The following ATP4A variants were observed in gnomAD, a reference collection of about 807,000 sequenced individuals.
The protein encoded by ATP4A is potassium-transporting ATPase alpha chain 1.
A neutral mutation model predicts 112.1 loss-of-function variants in ATP4A; 73 were observed. The ratio of observed to expected loss-of-function variants is 0.65; its 90% CI spans 0.54 to 0.79. The LOEUF is 0.79. Among genes scored for constraint, ATP4A ranks in the 30% least tolerant of loss-of-function variants. The pLI is 0.00. For synonymous variants in ATP4A, 588 were observed against 588.9 expected, an observed-to-expected ratio of 1.00 and a Z score of 0.02; for missense variants, 1,081 against 1,425.9, an observed-to-expected ratio of 0.76 and a Z score of 3.90.
Position 35,555,036 on chromosome 19 carries a change from G to T in ATP4A, c.2367C>A (p.Tyr789Ter). Residue 789 changes from tyrosine (Y) to a stop codon, truncating the protein, a stop_gained, in exon 16 of 22, where the codon TAC (tyrosine) becomes TAA (stop). Coordinates refer to ENST00000262623, the MANE Select transcript of ATP4A (RefSeq NM_000704.3). LOFTEE classifies it high-confidence loss of function. The surrounding 1 kb of genome is among the most constrained non-coding windows in gnomAD (Gnocchi z 6.6). ...GCTCTGGGATGTTCTTGGTCAATGT[G>T]TAGGCAATAGACTTCTTCAGGTTGT... ...IFDNLKKSIA[Y>*]TLTKNIPELT... 1 of 1,614,100 alleles carries T rather than the reference G, an allele frequency of 6.2e-7. No individual in the cohort carries two copies. Among genetic ancestry groups the T allele is most frequent in the South Asian group, 1.1e-5 (1 of 91,066 alleles).
At chr19:35,553,218 TGGACACAGAGACAG>T (rs1421817837) in intron 17 of ATP4A, 36 bp from the exon 18 acceptor site, 1 of 1,567,344 alleles carries the variant, frequency 6.4e-7, no homozygotes, top group Non-Finnish European at 8.7e-7. Flanking sequence ...GAGACAGAGA[TGGACACAGAGACAG>T]GGACACAGGA....
At position 35,559,015 on chromosome 19, in the gene ATP4A, A is replaced by G. The variant is rs201370478; in HGVS notation, c.1233T>C (p.Ala411=). The G allele has an allele frequency of 6.2e-7, 1 of 1,614,162 alleles. No individual in the cohort carries two copies. Among genetic ancestry groups the G allele is most frequent in the African/African-American group, 1.3e-5 (1 of 75,040 alleles). The change falls in exon 8 of 22, where the codon GCT becomes GCC. Residue 411 remains alanine (A), a synonymous_variant. Coordinates refer to ENST00000262623, the MANE Select transcript of ATP4A (RefSeq NM_000704.3). This position sits in a 1 kb window ranked among gnomAD's most constrained non-coding sequence, Gnocchi z 4.1. ...HLWFDNHIHT[A]DTTEDQSGQT... ...CACCTGACTGGTCTTCCGTGGTGTC[A>G]GCTGTGTGGATGTGGTTGTCAAACC...
rs71167554 is a variant in ATP4A at position 35,561,847 on chromosome 19, C to CT, written c.420+587dup. Among the ~76,000 whole-genome samples, 877 of 103,804 alleles carry CT rather than the reference C, an allele frequency of 8.4e-3. 28 individuals carry two copies. Among genetic ancestry groups the CT allele is most frequent in the Middle Eastern group, 0.011 (2 of 184 alleles). The allele number at this position is 103,804 out of a possible 152,430, so 68.1% of individuals were successfully genotyped here. ...TGTCCTCTGCTTCCAAGTCCCATCTCTTTTTTTTTTTTTTTTTTTTTTTTT... is the reference window on the plus strand; with the variant it reads ...TGTCCTCTGCTTCCAAGTCCCATCTCTTTTTTTTTTTTTTTTTTTTTTTTTT... On this transcript the variant is annotated intron_variant, in intron 4 of 21. Coordinates refer to ENST00000262623, the MANE Select transcript of ATP4A (RefSeq NM_000704.3).
Position 35,558,226 on chromosome 19 carries a change from C to CG in ATP4A, c.1500+135dup. The CG allele has an allele frequency of 8.5e-7, 1 of 1,181,578 alleles. No homozygotes were observed. Among genetic ancestry groups the CG allele is most frequent in the Non-Finnish European group, 1.2e-6 (1 of 865,676 alleles). 73.2% of individuals were successfully genotyped at this position (1,181,578 alleles called of 1,614,324 possible). On this transcript the variant is annotated intron_variant, in intron 10 of 21. Transcript: ENST00000262623. The surrounding 1 kb of genome is among the most constrained non-coding windows in gnomAD (Gnocchi z 5.1). ...CTGGTGGACGGGGCCATAGGCGGAG[C>CG]GGGAGATGGGGTGGGGTTTGGCTGC...
rs1341925502 is a variant in ATP4A, at chr19:35,558,959, CTGCCCTGGCGCCTG to C, written c.1255+20_1255+33del. The C allele has an allele frequency of 1.2e-6, 2 of 1,611,752 alleles. No individual in the cohort carries two copies. Among genetic ancestry groups the C allele is most frequent in the Admixed American group, 3.3e-5 (2 of 59,986 alleles). On this transcript the variant is annotated intron_variant, in intron 8 of 21. Transcript: ENST00000262623. The surrounding 1 kb of genome is among the most constrained non-coding windows in gnomAD (Gnocchi z 5.1). ...TCAGGTCTCCACCATCCACCAGATC[CTGCCCTGGCGCCTG>C]TGCCCTCCCTCCCCCACACCTGACT...
At position 35,558,048 on chromosome 19, in the gene ATP4A, A is replaced by G; in HGVS notation, c.1501-201T>C. The G allele has an allele frequency of 3.3e-6, 2 of 607,708 alleles. No homozygotes were observed. Among genetic ancestry groups the G allele is most frequent in the South Asian group, 4.2e-5 (2 of 47,862 alleles). 37.6% of individuals were successfully genotyped at this position (607,708 alleles called of 1,614,324 possible). ...AGAAGGTAAGCGTTAAGGCGGGGCT[A>G]GGTGCAGATTTGGAGTCCTGGACGC... is the stretch of plus-strand genomic sequence containing the variant. On this transcript the variant is annotated intron_variant, in intron 10 of 21. Coordinates refer to ENST00000262623, the MANE Select transcript of ATP4A (RefSeq NM_000704.3). This position sits in a 1 kb window ranked among gnomAD's most constrained non-coding sequence, Gnocchi z 5.1.
Position 35,555,638 on chromosome 19 carries a change from A to G in ATP4A, c.2006+38T>C. ...TCGCTGGGACCTCGGTCTGTGCCAGATGTGGGGAGAACCCCGGGGAGGTCT... is the reference window on the plus strand; with the variant it reads ...TCGCTGGGACCTCGGTCTGTGCCAGGTGTGGGGAGAACCCCGGGGAGGTCT... On this transcript the variant is annotated intron_variant, in intron 13 of 21. Transcript: ENST00000262623. The surrounding 1 kb of genome is among the most constrained non-coding windows in gnomAD (Gnocchi z 6.6). 3.2e-6 allele frequency: 5 copies of G among 1,586,266 alleles called. No homozygotes were observed. The highest frequency in any genetic ancestry group is 4.3e-6 in the Non-Finnish European group (5 of 1,159,598).
At position 35,560,261 on chromosome 19, in the gene ATP4A, G is replaced by T; in HGVS notation, c.787+102C>A. 1 of 1,563,760 alleles carries T rather than the reference G, an allele frequency of 6.4e-7. No homozygotes were observed. The highest frequency in any genetic ancestry group is 1.2e-5 in the South Asian group (1 of 83,714). On this transcript the variant is annotated intron_variant, in intron 6 of 21. Transcript: ENST00000262623. The surrounding 1 kb of genome is among the most constrained non-coding windows in gnomAD (Gnocchi z 5.1). ...GTCACGGGGAGGTGGCAGTCATGCA[G>T]GAGAGAGACAGGGAGGCTGAAGCCC...
At chr19:35,553,367 G>A (rs576672899) in intron 17 of ATP4A, among the ~76,000 whole-genome samples, 185 bp from the exon 18 acceptor site, 42 of 152,134 alleles carry the variant, frequency 2.8e-4, no homozygotes, top group Non-Finnish European at 5.1e-4. Flanking sequence ...CAGGGACACA[G>A]AAACAGTGAC....
chr19:35,558,115 G>A lies in ATP4A; in HGVS notation c.1500+247C>T. On this transcript the variant is annotated intron_variant, in intron 10 of 21. Transcript: ENST00000262623. The surrounding 1 kb of genome is among the most constrained non-coding windows in gnomAD (Gnocchi z 5.1). ...TAGGGTGCGGAGTTGGGCTGGGGGC[G>A]GATTTGGAGAGCGAGGTGCTCCCCA... 3.2e-6 allele frequency: 2 copies of A among 629,212 alleles called. No individual in the cohort carries two copies. The highest frequency in any genetic ancestry group is 5.4e-6 in the Non-Finnish European group (2 of 368,058). The allele number at this position is 629,212 out of a possible 1,614,324, so 39.0% of individuals were successfully genotyped here. A position where few individuals can be genotyped will look rare whatever the true frequency, so the allele number is the denominator to read the frequency against.
At chr19:35,562,945 TTCTC>T (rs1162455934) in intron 3 of ATP4A, among the ~76,000 whole-genome samples, 1 of 151,398 alleles carries the variant, frequency 6.6e-6, no homozygotes, top group Non-Finnish European at 1.5e-5. Flanking sequence ...GTGTCACCCT[TTCTC>T]TCTAATGCTT....
rs2071649331 is a variant in ATP4A, at chr19:35,558,786, A to G, written c.1256-100T>C. On this transcript the variant is annotated intron_variant, in intron 8 of 21. Transcript: ENST00000262623. The surrounding 1 kb of genome is among the most constrained non-coding windows in gnomAD (Gnocchi z 5.1). ...CTCATATCGCGGGCCCCCTCCCCAG[A>G]CCTGGGTGGAATTGGGTTCCACCCA... The G allele has an allele frequency of 1.5e-6, 2 of 1,358,040 alleles. No homozygotes were observed. The highest frequency in any genetic ancestry group is 2.9e-5 in the African/African-American group (2 of 68,832). 84.1% of individuals were successfully genotyped at this position (1,358,040 alleles called of 1,614,324 possible). A position where few individuals can be genotyped will look rare whatever the true frequency, so the allele number is the denominator to read the frequency against.
intron 2 of ATP4A, 29 bp from the exon 3 acceptor site, chr19:35,563,297 G>C (rs1279748565): frequency 1.2e-6 from 2 of 1,613,794 alleles, no homozygotes; most frequent in South Asian, 2.2e-5. Context: ...CAGGGTGCTT[G>C]CTCTGGGCTC....
chr19:35,557,178 C>A lies in ATP4A; in HGVS notation c.1694-90G>T. On this transcript the variant is annotated intron_variant, in intron 11 of 21. Coordinates refer to ENST00000262623, the MANE Select transcript of ATP4A (RefSeq NM_000704.3). The surrounding 1 kb of genome is among the most constrained non-coding windows in gnomAD (Gnocchi z 4.4). The stretch of plus-strand genomic sequence containing the variant: ...ATGGGTAAAATAACCAGGCCCCTTG[C>A]ACCAAACACCTATGGATGCCTGACC... The A allele has an allele frequency of 1.4e-6, 2 of 1,438,082 alleles. No individual in the cohort carries two copies. The highest frequency in any genetic ancestry group is 2.4e-5 in the South Asian group (2 of 83,992). The allele number at this position is 1,438,082 out of a possible 1,614,324, so 89.1% of individuals were successfully genotyped here. A position where few individuals can be genotyped will look rare whatever the true frequency, so the allele number is the denominator to read the frequency against.
chr19:35,553,517 G>A (rs1376280563), intron 17 of ATP4A, among the ~76,000 whole-genome samples, 189 bp downstream of exon 17: 1 of 152,162 alleles, frequency 6.6e-6, no homozygotes, highest in Non-Finnish European at 1.5e-5. Flanking sequence ...GTCAGAGAGA[G>A]AGCAGGGACA....
At position 35,555,459 on chromosome 19, in the gene ATP4A, A is replaced by C. The variant is rs1326431863; in HGVS notation, c.2138T>G (p.Val713Gly). The C allele has an allele frequency of 6.2e-7, 1 of 1,612,084 alleles. No individual in the cohort carries two copies. The highest frequency in any genetic ancestry group is 1.3e-5 in the African/African-American group (1 of 74,880). ...GCTCACCAGCCGCTGGCAGCTCTCC[A>C]CGATCACCAGCTTCTGCTGGGGGCT... ...RTSPQQKLVI[V>G]ESCQRLGAIV... Residue 713 changes from valine to glycine, a missense_variant, in exon 14 of 22, where the codon GTG becomes GGG. By Grantham distance (109) the Val-to-Gly change is moderately radical. Around this residue, in one of 3 missense-constraint regions of ATP4A, gnomAD observed 850 missense variants for 1,068.2 expected, o/e 0.80. Transcript: ENST00000262623. This position sits in a 1 kb window ranked among gnomAD's most constrained non-coding sequence, Gnocchi z 6.6.
Position 35,551,230 on chromosome 19 carries a change from A to G in ATP4A, c.2886-119T>C. 8.3e-7 allele frequency: 1 copy of G among 1,208,194 alleles called. No individual in the cohort carries two copies. The highest frequency in any genetic ancestry group is 2.0e-5 in the Admixed American group (1 of 49,682). The allele number at this position is 1,208,194 out of a possible 1,614,324, so 74.8% of individuals were successfully genotyped here. ...AGCAGGGAGGTGTTCTACACACTGA[A>G]CACTGGAGTGGCCCGGGCCTCTCAG... On this transcript the variant is annotated intron_variant, in intron 19 of 21. Coordinates refer to ENST00000262623, the MANE Select transcript of ATP4A (RefSeq NM_000704.3). This position sits in a 1 kb window ranked among gnomAD's most constrained non-coding sequence, Gnocchi z 5.2.
chr19:35,561,592 A>G (rs2071671095), intron 4 of ATP4A, among the ~76,000 whole-genome samples: 1 of 151,604 alleles, frequency 6.6e-6, no homozygotes, highest in African/African-American at 2.4e-5. Flanking sequence ...CCTCTGTCCC[A>G]TGTCACATGT....
In ATP4A at chr19:35,560,575, T is replaced by C; in HGVS notation, c.575A>G (p.Asn192Ser). ...GTCGCCCACCACCAGTTGGTCAGCG[T>C]TGATCTGGAATTTGTCTCCATCGCG... The part of the protein sequence containing the change: ...VIRDGDKFQI[N>S]ADQLVVGDLV... The change falls in exon 6 of 22, where the codon AAC becomes AGC. Residue 192 changes from asparagine to serine, a missense_variant. This residue lies in a region of ATP4A where 850 missense variants were observed against 1,068.2 expected (regional missense o/e 0.80). Transcript: ENST00000262623. This position sits in a 1 kb window ranked among gnomAD's most constrained non-coding sequence, Gnocchi z 5.1. 2 of 1,613,280 alleles carry C rather than the reference T, an allele frequency of 1.2e-6. No homozygotes were observed. Among genetic ancestry groups the C allele is most frequent in the Non-Finnish European group, 1.7e-6 (2 of 1,179,858 alleles).
Sources: gnomAD v4.1 joint callset for allele counts (sites outside exome capture counted in the v4.1 genomes callset) on GRCh38, gnomAD v4.1.1 for gene constraint, gnomAD v4.1.1 regional missense constraint, Gnocchi (gnomAD v3.1) non-coding constraint, MANE v1.5 for transcripts, NCBI Gene and HGNC (gene_info 2026-07-23, HGNC 2026-07-21) for gene names.